Variants in C2orf76 observed in about 807,000 individuals in gnomAD.
C2orf76 encodes the protein chromosome 2 open reading frame 76, also known as UPF0538 protein C2orf76.
Under a neutral mutation model 16.9 loss-of-function variants are expected in C2orf76, and 23 were observed. The ratio of observed to expected loss-of-function variants is 1.36; its 90% CI spans 0.98 to 1.93. C2orf76 has a LOEUF of 1.93. Among genes scored for constraint, C2orf76 ranks in the 30% most tolerant of loss-of-function variants. The probability of loss-of-function intolerance (pLI) is 0.00; values close to 1 mark genes in which losing one functional copy is unlikely to be tolerated. For missense variants in C2orf76, 152 were observed against 152.6 expected (o/e 1.00, Z 0.02); for synonymous variants, 48 against 52.3 (o/e 0.92, Z 0.35).
chr2:119,310,907 A>C (rs1327032009), intron 5 of C2orf76, among the ~76,000 whole-genome samples: 5 of 152,142 alleles, frequency 3.3e-5, no homozygotes, highest in African/African-American at 7.2e-5. Context: ...AATTAAGAAG[A>C]AGCATGGCTT....
At chr2:119,305,433 T>C (rs1678745474) in intron 5 of C2orf76, among the ~76,000 whole-genome samples, 1 of 152,206 alleles carries the variant, frequency 6.6e-6, no homozygotes, top group Non-Finnish European at 1.5e-5. Context: ...AACTAATTTA[T>C]CTCAATAAAC....
At chr2:119,312,567 G>T (rs891052968) in intron 4 of C2orf76, among the ~76,000 whole-genome samples, 1 of 151,962 alleles carries the variant, frequency 6.6e-6, no homozygotes, top group Non-Finnish European at 1.5e-5. Flanking sequence ...TACTTCAAAC[G>T]GCCAGAAGTC....
rs184249373 is a variant in C2orf76, at chr2:119,362,387, G to C, written c.-13+4403C>G. The stretch of plus-strand genomic sequence containing the variant: ...TAACCCCTGTGTTGTTCAAGGGTCA[G>C]CTGTATTTCTAATTTTCTTGTTGAC... On this transcript the variant is annotated intron_variant, in intron 1 of 5. Transcript: ENST00000334816. Among the ~76,000 whole-genome samples, 4 of 152,262 alleles carry C rather than the reference G, an allele frequency of 2.6e-5. No homozygotes were observed. In the East Asian group the frequency reaches 7.7e-4, roughly 29 times the overall value.
chr2:119,297,549 C>A (rs959123081), downstream of C2orf76, among the ~76,000 whole-genome samples: 4 of 152,172 alleles, frequency 2.6e-5, no homozygotes, highest in Admixed American at 1.3e-4. Context: ...CTCTATAGCC[C>A]AGGCTGGAGT....
chr2:119,301,104 C>CACACACACACACACACAA (rs531243604), downstream of C2orf76, among the ~76,000 whole-genome samples: 19 of 141,990 alleles, frequency 1.3e-4, no homozygotes, highest in East Asian at 1.7e-3. Flanking sequence ...CACACACACA[C>CACACACACACACACACAA]AACTAATTTC....
At chr2:119,348,015 C>A (rs1680258213) in intron 1 of C2orf76, among the ~76,000 whole-genome samples, 1 of 144,554 alleles carries the variant, frequency 6.9e-6, no homozygotes, top group Admixed American at 7.2e-5. Flanking sequence ...CCACTACTCT[C>A]CAGCCTGGGA....
At chr2:119,309,240 T>C (rs1482544349) in intron 5 of C2orf76, among the ~76,000 whole-genome samples, 5 of 152,180 alleles carry the variant, frequency 3.3e-5, no homozygotes, top group African/African-American at 4.8e-5. Context: ...ACAGTATCTA[T>C]GTACTCATTT....
intron 2 of C2orf76, among the ~76,000 whole-genome samples, chr2:119,338,539 G>A (rs577941378): frequency 1.3e-5 from 2 of 152,328 alleles, no homozygotes; most frequent in East Asian, 3.9e-4. Context: ...GAGAATGAGA[G>A]AGAAAGGGGA....
intron 1 of C2orf76, among the ~76,000 whole-genome samples, chr2:119,362,507 G>C (rs4641947): frequency 6.6e-6 from 1 of 152,168 alleles, no homozygotes; most frequent in Non-Finnish European, 1.5e-5. Flanking sequence ...AGCTAAATAG[G>C]CAAAGATGTA....
chr2:119,283,433 T>A, the C2orf76 span, among the ~76,000 whole-genome samples: 1 of 152,176 alleles, frequency 6.6e-6, no homozygotes, highest in Non-Finnish European at 1.5e-5. Context: ...CTTCCCCATA[T>A]CCATTTCTAT....
At chr2:119,344,421 G>A (rs76631654) in intron 1 of C2orf76, among the ~76,000 whole-genome samples, 4,203 of 151,940 alleles carry the variant, frequency 0.028, 207 homozygotes, top group African/African-American at 0.097. Flanking sequence ...ATAAACTTCA[G>A]GATAAATTAA....
At position 119,317,463 on chromosome 2, in the gene C2orf76, T is replaced by C. The variant is rs1422723788; in HGVS notation, c.222+3A>G. 3 of 1,600,184 alleles carry C rather than the reference T, an allele frequency of 1.9e-6. No homozygotes were observed. Among genetic ancestry groups the C allele is most frequent in the Non-Finnish European group, 2.6e-6 (3 of 1,171,594 alleles). ...TGCCAGATACTGTACCTGTGGAACATACCTTTGATTTATGTGCTTGATGAA... is the reference window on the plus strand; with the variant it reads ...TGCCAGATACTGTACCTGTGGAACACACCTTTGATTTATGTGCTTGATGAA... On this transcript the variant is annotated splice_donor_region_variant and intron_variant, in intron 4 of 5. Coordinates refer to ENST00000334816, the MANE Select transcript of C2orf76 (RefSeq NM_001322331.2).
intron 1 of C2orf76, among the ~76,000 whole-genome samples, chr2:119,365,604 C>G (rs1392567006): frequency 6.6e-6 from 1 of 152,188 alleles, no homozygotes; most frequent in Non-Finnish European, 1.5e-5. Context: ...GTCCAGCCCT[C>G]TTGCCACAAA....
chr2:119,310,256 A>G (rs183407852), intron 5 of C2orf76, among the ~76,000 whole-genome samples: 3 of 152,370 alleles, frequency 2.0e-5, no homozygotes, highest in East Asian at 3.9e-4. Context: ...ACATGCCCCA[A>G]TCACAAAGGT....
intron 4 of C2orf76, among the ~76,000 whole-genome samples, chr2:119,315,812 G>C (rs1679149932): frequency 6.6e-6 from 1 of 152,186 alleles, no homozygotes; most frequent in African/African-American, 2.4e-5. Context: ...ACTAGAACCT[G>C]CCAGTGTGAA....
the C2orf76 span, among the ~76,000 whole-genome samples, chr2:119,285,022 A>C: frequency 6.6e-6 from 1 of 152,156 alleles, no homozygotes; most frequent in African/African-American, 2.4e-5. Context: ...AGATCAGAGG[A>C]GGTCATCTAC....
intron 2 of C2orf76, among the ~76,000 whole-genome samples, chr2:119,334,614 C>T (rs371766854): frequency 2.0e-5 from 3 of 150,740 alleles, no homozygotes; most frequent in Non-Finnish European, 4.4e-5. Flanking sequence ...CACCAGGGTC[C>T]GGGAGGTTAA....
chr2:119,324,867 T>G (rs1204613052), intron 2 of C2orf76, among the ~76,000 whole-genome samples: 2 of 152,172 alleles, frequency 1.3e-5, no homozygotes, highest in Non-Finnish European at 1.5e-5. Flanking sequence ...GCAAAGGAAC[T>G]GGAAAAAAAC....
chr2:119,293,799 G>T, the C2orf76 span, among the ~76,000 whole-genome samples: 1 of 152,204 alleles, frequency 6.6e-6, no homozygotes, highest in South Asian at 2.1e-4. Context: ...TATATCCAAG[G>T]TTTCTGGCCT....
Sources: allele counts gnomAD v4.1 joint callset (sites outside exome capture counted in the v4.1 genomes callset), GRCh38; gene constraint gnomAD v4.1.1; transcripts MANE v1.5; gene names NCBI Gene and HGNC (gene_info 2026-07-23, HGNC 2026-07-21).